FBXO31: variants seen among roughly 807,000 people sequenced by gnomAD.
FBXO31 encodes F-box protein 31.
A neutral mutation model predicts 54.4 loss-of-function variants in FBXO31; 24 were observed. The ratio of observed to expected loss-of-function variants is 0.44; its 90% CI spans 0.32 to 0.62. The LOEUF (loss-of-function observed/expected upper bound fraction) is 0.62. Ranked by LOEUF, FBXO31 falls within the 20% of genes least tolerant of loss-of-function variation. The pLI, the probability that FBXO31 is intolerant of heterozygous loss-of-function variation, is 0.05. For missense variants in FBXO31, 665 were observed against 787.1 expected (o/e 0.84, Z 1.86); for synonymous variants, 388 against 335.6 (o/e 1.16, Z -1.71).
At chr16:87,360,207 T>C (rs1906072321) in intron 2 of FBXO31, 88 bp downstream of exon 2, 5 of 1,265,948 alleles carry the variant, frequency 3.9e-6, no homozygotes, top group African/African-American at 1.5e-5. Context: ...AAGTGTGGAC[T>C]AAATCACTTT....
intron 2 of FBXO31, among the ~76,000 whole-genome samples, chr16:87,350,901 G>C (rs368921606): frequency 6.6e-6 from 1 of 152,234 alleles, no homozygotes; most frequent in East Asian, 1.9e-4. Context: ...AGCAGCCTGC[G>C]AGATGCCAGT....
At chr16:87,342,979 G>C (rs1192146654) in intron 4 of FBXO31, 28 bp from the exon 5 acceptor site, 1 of 1,575,974 alleles carries the variant, frequency 6.3e-7, no homozygotes, top group South Asian at 1.2e-5. Flanking sequence ...CAAGGAAAGA[G>C]AAGAGTGAGG....
chr16:87,354,025 G>A (rs905169667), intron 2 of FBXO31, among the ~76,000 whole-genome samples: 3 of 152,234 alleles, frequency 2.0e-5, no homozygotes, highest in Admixed American at 2.0e-4. Context: ...CCTCATGTGC[G>A]CCTGCTCCGC....
intron 2 of FBXO31, among the ~76,000 whole-genome samples, chr16:87,354,087 T>G (rs1211011063): frequency 2.0e-5 from 3 of 152,270 alleles, no homozygotes; most frequent in African/African-American, 7.2e-5. Flanking sequence ...TCTACTACAT[T>G]TCTAAGCAAG....
intron 1 of FBXO31, among the ~76,000 whole-genome samples, chr16:87,389,387 AC>A (rs1567495143): frequency 6.6e-6 from 1 of 152,196 alleles, no homozygotes; most frequent in Admixed American, 6.5e-5. Context: ...CCATTACTAC[AC>A]AACTGTCGAT....
intron 2 of FBXO31, among the ~76,000 whole-genome samples, chr16:87,349,679 C>T (rs1356827901): frequency 2.0e-5 from 3 of 151,750 alleles, no homozygotes; most frequent in Non-Finnish European, 4.4e-5. Context: ...CACTGCACTC[C>T]AGCCTGGGCA....
At chr16:87,350,787 A>C (rs938249543) in intron 2 of FBXO31, among the ~76,000 whole-genome samples, 10 of 151,686 alleles carry the variant, frequency 6.6e-5, no homozygotes, top group African/African-American at 2.4e-4. Flanking sequence ...CTCCCGCTTT[A>C]AGTGCTAGGA....
Position 87,335,402 on chromosome 16 carries a change from T to C in FBXO31, c.898A>G (p.Ile300Val), listed in dbSNP as rs1905015038. 6.2e-7 allele frequency: 1 copy of C among 1,613,792 alleles called. No individual in the cohort carries two copies. The highest frequency in any genetic ancestry group is 1.3e-5 in the African/African-American group (1 of 74,934). ...GTACCTTTGAAGAGGCCAGGCTTGA[T>C]GAGGTCGTCGGGGCGGCTGGGCGGC... ...YLPPSRPDDLIKPGLFKGTYG... is the reference protein window; with the variant it reads ...YLPPSRPDDLVKPGLFKGTYG... The change falls in exon 7 of 9, where the codon ATC becomes GTC. Residue 300 changes from isoleucine (I) to valine (V), a missense_variant. By Grantham distance (29) the Ile-to-Val change is conservative. This residue lies in a region of FBXO31 where 234 missense variants were observed against 346.8 expected (regional missense o/e 0.67). Coordinates refer to ENST00000311635, the MANE Select transcript of FBXO31 (RefSeq NM_024735.5). This position sits in a 1 kb window ranked among gnomAD's most constrained non-coding sequence, Gnocchi z 5.7.
intron 2 of FBXO31, among the ~76,000 whole-genome samples, chr16:87,356,107 G>C (rs998531201): frequency 6.6e-6 from 1 of 151,646 alleles, no homozygotes; most frequent in Non-Finnish European, 1.5e-5. Context: ...CAGGCGCCTG[G>C]AGTCCCAGCT....
chr16:87,373,695 A>C (rs970623966), intron 1 of FBXO31, among the ~76,000 whole-genome samples: 1 of 152,050 alleles, frequency 6.6e-6, no homozygotes, highest in Non-Finnish European at 1.5e-5. Flanking sequence ...ACCACACCCT[A>C]AAGCCAAGTT....
intron 1 of FBXO31, among the ~76,000 whole-genome samples, chr16:87,365,053 C>A (rs1906309844): frequency 1.5e-5 from 1 of 68,724 alleles, no homozygotes; most frequent in Non-Finnish European, 2.8e-5. Context: ...GGCAGGCCAC[C>A]CAATAATTAC....
At chr16:87,365,261 C>T (rs547283609) in intron 1 of FBXO31, among the ~76,000 whole-genome samples, 4 of 151,338 alleles carry the variant, frequency 2.6e-5, no homozygotes, top group South Asian at 4.2e-4. Flanking sequence ...GCAGGGGCAG[C>T]GAGCTCCCTG....
At chr16:87,368,081 T>C (rs973942774) in intron 1 of FBXO31, 3 of 152,200 alleles carry the variant, frequency 2.0e-5, no homozygotes, top group African/African-American at 7.2e-5. Flanking sequence ...AGCAAATGTA[T>C]TGCTAATACC....
At position 87,353,173 on chromosome 16, in the gene FBXO31, G is replaced by A. The variant is rs139657973; in HGVS notation, c.413-5923C>T. 4.8e-3 allele frequency among the ~76,000 whole-genome samples: 724 copies of A among 152,276 alleles called. 4 individuals are homozygous for A. Among genetic ancestry groups the A allele is most frequent in the African/African-American group, 0.017 (702 of 41,552 alleles). On this transcript the variant is annotated intron_variant, in intron 2 of 8. Transcript: ENST00000311635. ...AGCTTCCGAGGCTGCTGCCCTGCTCGGCTCCTGGGTCCTCCTCCACTTTCA... is the reference window on the plus strand; with the variant it reads ...AGCTTCCGAGGCTGCTGCCCTGCTCAGCTCCTGGGTCCTCCTCCACTTTCA...
chr16:87,363,171 G>C (rs908150276), intron 1 of FBXO31, among the ~76,000 whole-genome samples: 1 of 152,118 alleles, frequency 6.6e-6, no homozygotes, highest in Non-Finnish European at 1.5e-5. Flanking sequence ...GATCACCTGA[G>C]GTTGGGAGTT....
intron 2 of FBXO31, among the ~76,000 whole-genome samples, chr16:87,348,002 G>C (rs1905469584): frequency 6.6e-6 from 1 of 152,184 alleles, no homozygotes; most frequent in African/African-American, 2.4e-5. Context: ...CAATGGTCAG[G>C]TCAGGCTGGG....
At chr16:87,389,511 C>G (rs1279623835) in intron 1 of FBXO31, 1 of 152,136 alleles carries the variant, frequency 6.6e-6, no homozygotes, top group Admixed American at 6.6e-5. Flanking sequence ...CTCCATATGC[C>G]AGATATCGAT....
rs1489991731 is a variant in FBXO31 at position 87,358,387 on chromosome 16, C to A, written c.412+1908G>T. On this transcript the variant is annotated intron_variant, in intron 2 of 8. Coordinates refer to ENST00000311635, the MANE Select transcript of FBXO31 (RefSeq NM_024735.5). This position sits in a 1 kb window ranked among gnomAD's most constrained non-coding sequence, Gnocchi z 4.0. Reference sequence around the variant, plus strand: ...TTGGCCGTGCTGGCTGCCGCAGAAGCCAAAGCTCGCAGGAGGTACATACGG... The same window carrying A: ...TTGGCCGTGCTGGCTGCCGCAGAAGACAAAGCTCGCAGGAGGTACATACGG... The A allele has an allele frequency of 6.5e-6, 1 of 152,692 alleles. No homozygotes were observed. Among genetic ancestry groups the A allele is most frequent in the East Asian group, 1.9e-4 (1 of 5,204 alleles). The allele number at this position is 152,692 out of a possible 1,614,324, so 9.5% of individuals were successfully genotyped here.
At chr16:87,351,456 C>T (rs1220347636) in intron 2 of FBXO31, among the ~76,000 whole-genome samples, 1 of 152,266 alleles carries the variant, frequency 6.6e-6, no homozygotes, top group East Asian at 1.9e-4. Context: ...CAGTGCCCCA[C>T]AAGGCTCCTG....
Sources: gnomAD v4.1 joint callset for allele counts (sites outside exome capture counted in the v4.1 genomes callset) on GRCh38, gnomAD v4.1.1 for gene constraint, gnomAD v4.1.1 regional missense constraint, Gnocchi (gnomAD v3.1) non-coding constraint, MANE v1.5 for transcripts, NCBI Gene and HGNC (gene_info 2026-07-23, HGNC 2026-07-21) for gene names.